The following FOXP1 variants were observed in gnomAD, a reference collection of about 807,000 sequenced individuals.
The protein encoded by FOXP1 is forkhead box protein P1.
Under a neutral mutation model 98.2 loss-of-function variants are expected in FOXP1, and 15 were observed. The ratio of observed to expected loss-of-function variants is 0.15; its 90% CI spans 0.10 to 0.24. The LOEUF (loss-of-function observed/expected upper bound fraction) is 0.24, where lower values mean the gene tolerates loss of function less well. Among genes scored for constraint, FOXP1 ranks in the 10% least tolerant of loss-of-function variants. FOXP1 has a pLI of 1.00. For missense variants in FOXP1, 633 were observed against 848.5 expected (o/e 0.75, Z 3.15); for synonymous variants, 371 against 314.5 (o/e 1.18, Z -1.90).
At chr3:71,296,007 T>C (rs1371266170) in intron 5 of FOXP1, 1 of 152,240 alleles carries the variant, frequency 6.6e-6, no homozygotes, top group Non-Finnish European at 1.5e-5. Context: ...ATCCATTTTG[T>C]AAAGCACTCA....
intron 5 of FOXP1, among the ~76,000 whole-genome samples, chr3:71,264,366 G>C (rs2069439996): frequency 6.6e-6 from 1 of 152,134 alleles, no homozygotes; most frequent in Admixed American, 6.5e-5. Flanking sequence ...GAATTCACAA[G>C]ACCCAAGGCT....
chr3:71,316,496 G>A lies in FOXP1; in HGVS notation c.-72-16616C>T, dbSNP rs146389098. The stretch of plus-strand genomic sequence containing the variant: ...AATGCCCTAGAGAATGCCACTACCC[G>A]GGTCCCACGTGGGGCCCGGCAAGAG... On this transcript the variant is annotated intron_variant, in intron 4 of 20. Coordinates refer to ENST00000649528, the MANE Select transcript of FOXP1 (RefSeq NM_001349338.3). Among the ~76,000 whole-genome samples, 162 of 152,154 alleles carry A rather than the reference G, an allele frequency of 1.1e-3. 1 individual carries two copies. The highest frequency in any genetic ancestry group is 3.7e-3 in the African/African-American group (154 of 41,502).
Position 70,966,035 on chromosome 3 carries a change from T to C in FOXP1, c.1744A>G (p.Ile582Val). ...ATGGAAGCGGTAGTGTATAGAGGTA[T>C]ACTATTCTCAGCCATTGAAGCCTGT... ...ALQASMAENS[I>V]PLYTTASMGN... is the part of the protein sequence containing the mutation. The change falls in exon 20 of 21, where the codon ATA (isoleucine) becomes GTA (valine). Residue 582 changes from isoleucine (I) to valine (V), a missense_variant. Coordinates refer to ENST00000649528, the MANE Select transcript of FOXP1 (RefSeq NM_001349338.3). The C allele has an allele frequency of 6.2e-7, 1 of 1,614,166 alleles. No individual in the cohort carries two copies. Among genetic ancestry groups the C allele is most frequent in the Non-Finnish European group, 8.5e-7 (1 of 1,179,998 alleles).
At chr3:71,555,554 T>A (rs188256614) in intron 2 of FOXP1, among the ~76,000 whole-genome samples, 6 of 152,346 alleles carry the variant, frequency 3.9e-5, no homozygotes, top group Non-Finnish European at 5.9e-5. Context: ...GTCACTTCTT[T>A]ATATAATTAT....
At chr3:71,466,561 C>A (rs1191149694) in intron 3 of FOXP1, among the ~76,000 whole-genome samples, 2 of 152,180 alleles carry the variant, frequency 1.3e-5, no homozygotes, top group Non-Finnish European at 2.9e-5. Flanking sequence ...CGAATCTGAT[C>A]GGGATTGGAT....
chr3:71,458,248 C>T (rs2087690036), intron 3 of FOXP1, among the ~76,000 whole-genome samples: 3 of 152,156 alleles, frequency 2.0e-5, no homozygotes, highest in Admixed American at 1.3e-4. Context: ...CTTATGTGAG[C>T]AGAATGCCAA....
intron 7 of FOXP1, among the ~76,000 whole-genome samples, chr3:71,106,957 T>C (rs2057491743): frequency 6.6e-6 from 1 of 151,854 alleles, no homozygotes; most frequent in Non-Finnish European, 1.5e-5. Context: ...TTCACAGAGA[T>C]GGGGTTTTGC....
Position 71,583,612 on chromosome 3 carries a change from G to T in FOXP1, c.-488C>A. 1.0e-6 allele frequency: 1 copy of T among 984,160 alleles called. No homozygotes were observed. Among genetic ancestry groups the T allele is most frequent in the Non-Finnish European group, 1.2e-6 (1 of 829,634 alleles). 61.0% of individuals were successfully genotyped at this position (984,160 alleles called of 1,614,324 possible). On this transcript the variant is annotated 5_prime_UTR_variant, in exon 1 of 21. Transcript: ENST00000649528. Reference sequence around the variant, plus strand: ...CTCGGTGCAAACTAAGGTGTTTTCGGGCCTTTCCCCGCGCGCGCCCACTCC... The same window carrying T: ...CTCGGTGCAAACTAAGGTGTTTTCGTGCCTTTCCCCGCGCGCGCCCACTCC...
chr3:71,226,842 C>A (rs748557432), intron 5 of FOXP1, among the ~76,000 whole-genome samples: 1 of 152,096 alleles, frequency 6.6e-6, no homozygotes, highest in Non-Finnish European at 1.5e-5. Flanking sequence ...GCACTAAGTG[C>A]GCTGTTCACC....
At chr3:70,983,689 T>A (rs913601800) in intron 14 of FOXP1, among the ~76,000 whole-genome samples, 1 of 152,234 alleles carries the variant, frequency 6.6e-6, no homozygotes, top group Non-Finnish European at 1.5e-5. Context: ...TGTTCTCTGA[T>A]GTGCAGGAAT....
At position 71,385,304 on chromosome 3, in the gene FOXP1, A is replaced by G. The variant is rs192331101; in HGVS notation, c.-167-26060T>C. Among the ~76,000 whole-genome samples, 4 of 152,340 alleles carry G rather than the reference A, an allele frequency of 2.6e-5. No homozygotes were observed. In the East Asian group the frequency reaches 7.7e-4, roughly 29 times the overall value. On this transcript the variant is annotated intron_variant, in intron 3 of 20. Coordinates refer to ENST00000649528, the MANE Select transcript of FOXP1 (RefSeq NM_001349338.3). ...TTGCTGAATTCTTTAAAACTGTATT[A>G]TAAATCACCTAACATTTACTAGAGC...
intron 7 of FOXP1, among the ~76,000 whole-genome samples, chr3:71,105,184 T>C (rs979611890): frequency 1.3e-5 from 2 of 152,222 alleles, no homozygotes; most frequent in East Asian, 3.8e-4. Flanking sequence ...TAATCCGTGA[T>C]ACTACAAAAT....
At chr3:71,083,808 C>T (rs893962957) in intron 7 of FOXP1, among the ~76,000 whole-genome samples, 3 of 152,164 alleles carry the variant, frequency 2.0e-5, no homozygotes, top group South Asian at 2.1e-4. Context: ...GCTCTGTGAG[C>T]GTACACACTC....
chr3:71,539,136 G>T (rs1374253434), intron 2 of FOXP1, among the ~76,000 whole-genome samples: 1 of 147,894 alleles, frequency 6.8e-6, no homozygotes, highest in Admixed American at 6.7e-5. Flanking sequence ...GTTTGAGATG[G>T]GGTCTCGCTC....
At chr3:71,130,979 C>T (rs1176791741) in intron 6 of FOXP1, 19 of 1,138,976 alleles carry the variant, frequency 1.7e-5, no homozygotes, top group Non-Finnish European at 2.1e-5. Flanking sequence ...AAATACACAC[C>T]AACAGGGTTT....
intron 6 of FOXP1, among the ~76,000 whole-genome samples, chr3:71,136,344 C>T (rs146374356): frequency 2.4e-3 from 371 of 152,266 alleles, no homozygotes; most frequent in African/African-American, 5.8e-3. Flanking sequence ...AACTCATAAA[C>T]GTCAACAGAG....
At chr3:71,032,833 A>C (rs1047291152) in intron 11 of FOXP1, among the ~76,000 whole-genome samples, 10 of 152,192 alleles carry the variant, frequency 6.6e-5, no homozygotes, top group African/African-American at 2.2e-4. Flanking sequence ...CCCAGCTGTC[A>C]TTTATTATAA....
Position 70,958,814 on chromosome 3 carries a change from C to T in FOXP1, c.*433G>A, listed in dbSNP as rs1473472485. Reference sequence around the variant, plus strand: ...AACATGCAGTACTGTGCAAATAGGTCGTCCATTGGAATCCTTAAATTCTGG... The same window carrying T: ...AACATGCAGTACTGTGCAAATAGGTTGTCCATTGGAATCCTTAAATTCTGG... On this transcript the variant is annotated 3_prime_UTR_variant, in exon 21 of 21. Transcript: ENST00000649528. 9.7e-6 allele frequency: 3 copies of T among 310,268 alleles called. No homozygotes were observed. Among genetic ancestry groups the T allele is most frequent in the Non-Finnish European group, 1.8e-5 (3 of 167,410 alleles). 19.2% of individuals were successfully genotyped at this position (310,268 alleles called of 1,614,324 possible).
intron 5 of FOXP1, among the ~76,000 whole-genome samples, chr3:71,215,018 G>C (rs2064816742): frequency 6.6e-6 from 1 of 152,202 alleles, no homozygotes; most frequent in Admixed American, 6.5e-5. Flanking sequence ...GAGCTTGTTA[G>C]ATATGCAAAT....
Sources: allele counts gnomAD v4.1 joint callset (sites outside exome capture counted in the v4.1 genomes callset), GRCh38; gene constraint gnomAD v4.1.1; transcripts MANE v1.5; gene names NCBI Gene and HGNC (gene_info 2026-07-23, HGNC 2026-07-21).